The following LINGO1 variants were observed in gnomAD, a reference collection of about 807,000 sequenced individuals.
LINGO1 encodes the protein leucine rich repeat and Ig domain containing 1, also known as leucine-rich repeat and immunoglobulin-like domain-containing nogo receptor-interacting protein 1.
A neutral mutation model predicts 37.3 loss-of-function variants in LINGO1; 11 were observed. The observed-to-expected ratio is 0.29, with a 90% CI of 0.19 to 0.49. The LOEUF is 0.49. Among genes scored for constraint, LINGO1 ranks in the 20% least tolerant of loss-of-function variants. The probability of loss-of-function intolerance (pLI) is 0.99; values close to 1 mark genes in which losing one functional copy is unlikely to be tolerated. For missense variants in LINGO1, 585 were observed against 878.2 expected, an observed-to-expected ratio of 0.67 and a Z score of 4.22; for synonymous variants, 387 against 403.0, an observed-to-expected ratio of 0.96 and a Z score of 0.48.
chr15:77,628,497 C>A (rs889737945), intron 1 of LINGO1, among the ~76,000 whole-genome samples: 2 of 152,050 alleles, frequency 1.3e-5, no homozygotes, highest in Non-Finnish European at 2.9e-5. Context: ...TCAAAAATAA[C>A]TAAAACTGAA....
At chr15:77,642,032 G>A (rs2074518715) in intron 3 of LINGO1, 5 of 456,276 alleles carry the variant, frequency 1.1e-5, no homozygotes, top group South Asian at 7.7e-5. Context: ...TTGGAGGGTT[G>A]TGGGAAGGGT....
intron 2 of LINGO1, among the ~76,000 whole-genome samples, chr15:77,723,178 G>A (rs950952890): frequency 1.3e-5 from 2 of 151,354 alleles, no homozygotes; most frequent in Non-Finnish European, 3.0e-5. Flanking sequence ...GCACTGAGGG[G>A]AGTAAGTGTG....
Position 77,775,604 on chromosome 15 carries a change from G to A in LINGO1, c.-257+11265C>T, listed in dbSNP as rs191360183. Among the ~76,000 whole-genome samples, 4 of 152,234 alleles carry A rather than the reference G, an allele frequency of 2.6e-5. No individual in the cohort carries two copies. The East Asian group carries it at 5.8e-4, about 22-fold the overall frequency. ...ACCACACCCAGCTCTTGACAGGGTC[G>A]TGCACAGCAGGCGTGACTGGGCCAT... is the stretch of plus-strand genomic sequence containing the variant. On this transcript the variant is annotated intron_variant, in intron 1 of 3. Transcript: ENST00000561686.
intron 1 of LINGO1, among the ~76,000 whole-genome samples, chr15:77,751,156 G>A (rs1170226069): frequency 1.3e-5 from 2 of 152,160 alleles, no homozygotes; most frequent in Non-Finnish European, 2.9e-5. Context: ...GAGCACAGGT[G>A]TGAATCTCTG....
chr15:77,704,879 G>GC (rs1181514996), intron 2 of LINGO1, among the ~76,000 whole-genome samples: 2 of 151,982 alleles, frequency 1.3e-5, no homozygotes, highest in Admixed American at 1.3e-4. Flanking sequence ...CCTGTCTCTG[G>GC]CCCCACAGTG....
intron 2 of LINGO1, among the ~76,000 whole-genome samples, chr15:77,678,349 T>G (rs555075945): frequency 5.3e-4 from 81 of 152,308 alleles, no homozygotes; most frequent in African/African-American, 1.9e-3. Context: ...TCCCAGCCCC[T>G]ACCCCTGGCA....
chr15:77,787,729 C>T (rs143739929), upstream of LINGO1, among the ~76,000 whole-genome samples: 443 of 152,318 alleles, frequency 2.9e-3, 4 homozygotes, highest in Middle Eastern at 0.01. Context: ...GCAGTTTAGG[C>T]TCCACTCCAA....
At chr15:77,665,072 G>A (rs1478184238) in intron 3 of LINGO1, among the ~76,000 whole-genome samples, 1 of 152,202 alleles carries the variant, frequency 6.6e-6, no homozygotes, top group Non-Finnish European at 1.5e-5. Context: ...ATGTGGGCAG[G>A]GACGCCTGGT....
intron 1 of LINGO1, among the ~76,000 whole-genome samples, chr15:77,814,586 G>A (rs766446382): frequency 6.6e-6 from 1 of 152,172 alleles, no homozygotes; most frequent in Non-Finnish European, 1.5e-5. Context: ...CTGGCTAGTG[G>A]CTGCTTTACA....
intron 1 of LINGO1, among the ~76,000 whole-genome samples, chr15:77,625,052 G>C (rs2074047487): frequency 6.6e-6 from 1 of 152,186 alleles, no homozygotes; most frequent in Admixed American, 6.5e-5. Flanking sequence ...GCCCCCAGGG[G>C]GAACCCTCTC....
At chr15:77,743,946 C>A (rs558033450) in intron 1 of LINGO1, among the ~76,000 whole-genome samples, 1 of 152,310 alleles carries the variant, frequency 6.6e-6, no homozygotes, top group African/African-American at 2.4e-5. Context: ...CCATCTGTAG[C>A]CAAGCCACAA....
chr15:77,773,769 C>A (rs1327271435), intron 1 of LINGO1, among the ~76,000 whole-genome samples: 5 of 151,630 alleles, frequency 3.3e-5, no homozygotes, highest in Non-Finnish European at 7.4e-5. Flanking sequence ...TCTGACTTTG[C>A]CCAGGGCAAA....
chr15:77,695,009 A>G lies in LINGO1; in HGVS notation c.-281+1382T>C, dbSNP rs544275486. On this transcript the variant is annotated intron_variant, in intron 1 of 3. Coordinates refer to the LINGO1 transcript ENST00000559893. ...CACTCGGGATAATCTTTTTTTTTTA[A>G]TTTTTGACCAGCAGTTTGCCCTGAC... 2.0e-5 allele frequency among the ~76,000 whole-genome samples: 3 copies of G among 151,918 alleles called. No individual in the cohort carries two copies. The East Asian group carries it at 5.8e-4, about 29-fold the overall frequency.
intron 1 of LINGO1, among the ~76,000 whole-genome samples, chr15:77,769,947 T>C (rs1243584151): frequency 6.6e-6 from 1 of 152,152 alleles, no homozygotes; most frequent in Non-Finnish European, 1.5e-5. Context: ...GTTTTGTGAC[T>C]TGTCCACAGA....
chr15:77,688,542 T>G (rs541131357), intron 2 of LINGO1, among the ~76,000 whole-genome samples: 84 of 152,256 alleles, frequency 5.5e-4, no homozygotes, highest in Middle Eastern at 3.4e-3. Context: ...CGCGGCAGGC[T>G]TCAGTGTTGC....
At position 77,812,139 on chromosome 15, in the gene LINGO1, C is replaced by G. The variant is rs534076676; in HGVS notation, c.-458+8119G>C. Among the ~76,000 whole-genome samples the G allele has an allele frequency of 7.9e-5, 12 of 152,316 alleles. No homozygotes were observed. In the South Asian group the frequency reaches 2.3e-3, roughly 29 times the overall value. ...TGAGCCCTAGCTGCACATTTAAAAG[C>G]CTTAACACATTCAGAAGCCAGATGC... On this transcript the variant is annotated intron_variant, in intron 1 of 5. Coordinates refer to the LINGO1 transcript ENST00000562933.
intron 2 of LINGO1, among the ~76,000 whole-genome samples, chr15:77,714,373 C>T (rs891268544): frequency 2.6e-5 from 4 of 152,206 alleles, no homozygotes; most frequent in Non-Finnish European, 2.9e-5. Flanking sequence ...ATCAGATTGT[C>T]ACCACCCTTG....
intron 2 of LINGO1, among the ~76,000 whole-genome samples, chr15:77,719,402 TAAGA>T (rs915398974): frequency 2.0e-5 from 3 of 149,724 alleles, no homozygotes; most frequent in Admixed American, 1.3e-4. Flanking sequence ...CTCCTCCATG[TAAGA>T]TCATCCCCCG....
intron 1 of LINGO1, among the ~76,000 whole-genome samples, chr15:77,750,797 T>C (rs1038922493): frequency 2.0e-5 from 3 of 152,206 alleles, no homozygotes; most frequent in African/African-American, 7.2e-5. Context: ...CACAATGACA[T>C]TTATCCCACC....
Sources: allele counts gnomAD v4.1 joint callset (sites outside exome capture counted in the v4.1 genomes callset), GRCh38; gene constraint gnomAD v4.1.1; transcripts MANE v1.5; gene names NCBI Gene and HGNC (gene_info 2026-07-23, HGNC 2026-07-21).